ENOX1: variants seen among roughly 807,000 people sequenced by gnomAD.
ENOX1 encodes the protein candidate growth-related and time keeping constitutive hydroquinone (NADH) oxidase.
ENOX1 carries 42 observed loss-of-function variants against 82.5 expected under a neutral mutation model. The ratio of observed to expected loss-of-function variants is 0.51; its 90% confidence interval spans 0.40 to 0.66. The LOEUF (loss-of-function observed/expected upper bound fraction) is 0.66. ENOX1 is among the 30% of genes least tolerant of loss of function. ENOX1 has a pLI of 0.00. For missense variants in ENOX1, 608 were observed against 811.6 expected (o/e 0.75, Z 3.05); for synonymous variants, 271 against 282.2 (o/e 0.96, Z 0.40).
chr13:43,688,089 G>T (rs1236164392), intron 1 of ENOX1, among the ~76,000 whole-genome samples: 3 of 152,146 alleles, frequency 2.0e-5, no homozygotes, highest in African/African-American at 7.2e-5. Context: ...AGGGCAATGG[G>T]AAGCCTTTGG....
intron 3 of ENOX1, among the ~76,000 whole-genome samples, chr13:43,466,224 T>C (rs927796672): frequency 1.4e-4 from 22 of 151,934 alleles, no homozygotes; most frequent in Admixed American, 1.2e-3. Flanking sequence ...AAAAACTATA[T>C]GACGATTCAA....
intron 2 of ENOX1, among the ~76,000 whole-genome samples, chr13:43,562,098 C>T (rs2079703286): frequency 6.6e-6 from 1 of 151,970 alleles, no homozygotes. Flanking sequence ...CACTCATCTT[C>T]CTCATAGGAA....
chr13:43,388,160 T>C (rs535986518), intron 5 of ENOX1, among the ~76,000 whole-genome samples: 24 of 152,308 alleles, frequency 1.6e-4, no homozygotes, highest in African/African-American at 5.1e-4. Context: ...TTAAGAGACA[T>C]GATCTAAATA....
chr13:43,327,797 T>G (rs1417366546), intron 9 of ENOX1, among the ~76,000 whole-genome samples: 1 of 152,242 alleles, frequency 6.6e-6, no homozygotes, highest in East Asian at 1.9e-4. Flanking sequence ...ACAAAATAAA[T>G]GTATGATGGA....
rs552424649 is a variant in ENOX1 at position 43,500,557 on chromosome 13, T to C, written c.-218-16405A>G. Among the ~76,000 whole-genome samples the C allele has an allele frequency of 5.9e-5, 9 of 152,136 alleles. No individual in the cohort carries two copies. The South Asian group carries it at 1.9e-3, about 32-fold the overall frequency. On this transcript the variant is annotated intron_variant, in intron 2 of 16. Coordinates refer to ENST00000690772, the MANE Select transcript of ENOX1 (RefSeq NM_001347969.2). ...GAAAACTAAGGAAGTATGTCAACAC[T>C]GGGTCCTCCTTATAAGAAGTGTGAA...
intron 12 of ENOX1, among the ~76,000 whole-genome samples, chr13:43,294,506 C>T (rs1469536939): frequency 3.3e-5 from 5 of 152,134 alleles, no homozygotes; most frequent in Non-Finnish European, 7.4e-5. Context: ...GGATGCAGAA[C>T]TGGAGTTTGC....
At chr13:43,758,520 G>A (rs1031008083) in intron 1 of ENOX1, among the ~76,000 whole-genome samples, 1 of 152,196 alleles carries the variant, frequency 6.6e-6, no homozygotes, top group Non-Finnish European at 1.5e-5. Flanking sequence ...GCCAGCATGA[G>A]GATCCCTGTT....
intron 14 of ENOX1, among the ~76,000 whole-genome samples, chr13:43,253,665 A>G (rs372709018): frequency 6.6e-6 from 1 of 152,236 alleles, no homozygotes; most frequent in Admixed American, 6.5e-5. Flanking sequence ...AGGAAGCCCT[A>G]TGGCTCCTGA....
chr13:43,711,127 T>A (rs955187989), intron 1 of ENOX1, among the ~76,000 whole-genome samples: 4 of 138,816 alleles, frequency 2.9e-5, no homozygotes, highest in African/African-American at 5.4e-5. Flanking sequence ...TGTCCATGTG[T>A]TCTCATTGTT....
chr13:43,619,556 T>C (rs941105488), intron 2 of ENOX1, among the ~76,000 whole-genome samples: 2 of 152,188 alleles, frequency 1.3e-5, no homozygotes, highest in Non-Finnish European at 2.9e-5. Flanking sequence ...ATCACATTTA[T>C]TGACTTGTGT....
chr13:43,553,611 C>T (rs560717033), intron 2 of ENOX1, among the ~76,000 whole-genome samples: 1 of 152,264 alleles, frequency 6.6e-6, no homozygotes, highest in Non-Finnish European at 1.5e-5. Context: ...AAAGGAAGTG[C>T]AGGATAATGA....
intron 3 of ENOX1, among the ~76,000 whole-genome samples, chr13:43,434,077 T>G (rs1015347284): frequency 6.6e-6 from 1 of 152,214 alleles, no homozygotes; most frequent in Non-Finnish European, 1.5e-5. Context: ...TCCCTGGGAT[T>G]TGATAGCCTA....
intron 14 of ENOX1, among the ~76,000 whole-genome samples, chr13:43,259,465 C>T (rs2043931985): frequency 6.6e-6 from 1 of 152,052 alleles, no homozygotes; most frequent in Non-Finnish European, 1.5e-5. Flanking sequence ...TGGGTCTGGG[C>T]TCATTTTCCT....
intron 2 of ENOX1, among the ~76,000 whole-genome samples, chr13:43,646,023 G>A (rs186151011): frequency 1.3e-5 from 2 of 152,190 alleles, no homozygotes; most frequent in African/African-American, 4.8e-5. Context: ...CTGGGCAAGT[G>A]TGCCAGAAAC....
intron 1 of ENOX1, among the ~76,000 whole-genome samples, chr13:43,745,715 C>T (rs1157243947): frequency 6.6e-6 from 1 of 152,154 alleles, no homozygotes; most frequent in Non-Finnish European, 1.5e-5. Context: ...TTGTGGTTCC[C>T]ATAATCCCCA....
chr13:43,637,097 A>G (rs1301049330), intron 2 of ENOX1, among the ~76,000 whole-genome samples: 1 of 152,208 alleles, frequency 6.6e-6, no homozygotes, highest in Non-Finnish European at 1.5e-5. Context: ...GTAGAACCAC[A>G]TTCTATGTGG....
At chr13:43,558,363 C>T (rs1197836492) in intron 2 of ENOX1, among the ~76,000 whole-genome samples, 2 of 152,140 alleles carry the variant, frequency 1.3e-5, no homozygotes, top group African/African-American at 4.8e-5. Flanking sequence ...CTCTGGGTGT[C>T]CTTATTCAAG....
rs78802749 is a variant in ENOX1 at position 43,638,160 on chromosome 13, A to C, written c.-219+29319T>G. Among the ~76,000 whole-genome samples, 3 of 152,312 alleles carry C rather than the reference A, an allele frequency of 2.0e-5. No individual in the cohort carries two copies. The East Asian group carries it at 5.8e-4, about 29-fold the overall frequency. ...TACCCATCTTTCTGGATGGCCAAGA[A>C]ATAATGATACATCTTGTAAATATAG... On this transcript the variant is annotated intron_variant, in intron 2 of 16. Coordinates refer to ENST00000690772, the MANE Select transcript of ENOX1 (RefSeq NM_001347969.2).
intron 14 of ENOX1, among the ~76,000 whole-genome samples, chr13:43,252,813 GGT>G (rs2043532397): frequency 1.3e-5 from 2 of 152,144 alleles, no homozygotes; most frequent in South Asian, 4.1e-4. Flanking sequence ...AAGGAGGGAA[GGT>G]GTAGCTGCAT....
Sources: gnomAD v4.1 joint callset for allele counts (sites outside exome capture counted in the v4.1 genomes callset) on GRCh38, gnomAD v4.1.1 for gene constraint, MANE v1.5 for transcripts, NCBI Gene and HGNC (gene_info 2026-07-23, HGNC 2026-07-21) for gene names.